Variants in SELENBP1 observed in about 807,000 individuals in gnomAD.
SELENBP1 encodes selenium binding protein 1, also known as methanethiol oxidase.
In SELENBP1, 71 loss-of-function variants were observed where a neutral mutation model predicts 61.0. The ratio of observed to expected loss-of-function variants is 1.16; its 90% CI spans 0.96 to 1.42. The LOEUF is 1.42. Ranked by LOEUF, SELENBP1 falls within the 40% of genes most tolerant of loss-of-function variation. SELENBP1 has a pLI of 0.00. For missense variants in SELENBP1, 561 were observed against 605.0 expected (o/e 0.93, Z 0.76); for synonymous variants, 270 against 238.9 (o/e 1.13, Z -1.20).
At chr1:151,367,885 T>C (rs1270016655) in intron 5 of SELENBP1, among the ~76,000 whole-genome samples, 1 of 152,178 alleles carries the variant, frequency 6.6e-6, no homozygotes, top group East Asian at 1.9e-4. Flanking sequence ...CAGGCTGGTT[T>C]GGAACTCCTG....
rs145919866 is a variant in SELENBP1 at position 151,369,107 on chromosome 1, T to C, written c.257A>G (p.Asp86Gly). 5.0e-6 allele frequency: 8 copies of C among 1,613,928 alleles called. No homozygotes were observed. The African/African-American group carries it at 5.3e-5, about 11-fold the overall frequency. ...GWNTCSSCFG[D>G]STKSRTKLVL... is the part of the protein sequence containing the mutation. ...CAGCTTGGTGCGCGACTTGGTGCTATCACCGAAGCAGCTGCTGCAGGTGTT... is the reference window on the plus strand; with the variant it reads ...CAGCTTGGTGCGCGACTTGGTGCTACCACCGAAGCAGCTGCTGCAGGTGTT... The change falls in exon 4 of 12, where the codon GAT becomes GGT. Residue 86 changes from aspartate (D) to glycine (G), a missense_variant. Asp to Gly is a moderately conservative substitution (Grantham distance 94). Coordinates refer to ENST00000368868, the MANE Select transcript of SELENBP1 (RefSeq NM_003944.4).
Position 151,365,246 on chromosome 1 carries a change from A to G in SELENBP1, c.1080T>C (p.Pro360=), listed in dbSNP as rs1204243180. The G allele has an allele frequency of 6.2e-7, 1 of 1,613,320 alleles. No individual in the cohort carries two copies. The highest frequency in any genetic ancestry group is 1.3e-5 in the African/African-American group (1 of 74,876). The stretch of plus-strand genomic sequence containing the variant: ...GTTCCTCGTCCTCCAGCACTTGCAC[A>G]GGGCCTCCCTTAACAATGCTGCCTC... ...FLGGSIVKGG[P]VQVLEDEELK... Residue 360 remains proline, a synonymous_variant, in exon 10 of 12, where the codon CCT becomes CCC. Transcript: ENST00000368868.
At chr1:151,367,087 A>G in intron 5 of SELENBP1, 183 bp from the exon 6 acceptor site, 2 of 1,403,852 alleles carry the variant, frequency 1.4e-6, no homozygotes, top group Non-Finnish European at 1.9e-6. Flanking sequence ...TCATGCCAGT[A>G]ATCCCAGCCC....
chr1:151,366,601 C>T (rs1651834228), intron 6 of SELENBP1, 121 bp downstream of exon 6: 1 of 1,407,068 alleles, frequency 7.1e-7, no homozygotes, highest in South Asian at 1.3e-5. Flanking sequence ...TGCGGTACAT[C>T]CTATGCCATC....
Position 151,369,522 on chromosome 1 carries a change from T to C in SELENBP1, c.94A>G (p.Ile32Val). The C allele has an allele frequency of 6.2e-7, 1 of 1,611,292 alleles. No individual in the cohort carries two copies. The highest frequency in any genetic ancestry group is 2.2e-5 in the East Asian group (1 of 44,804). Residue 32 changes from isoleucine (I) to valine (V), a missense_variant, in exon 3 of 12, where the codon ATT becomes GTT. Transcript: ENST00000368868. ...PREEIVYLPC[I>V]YRNTGTEAPD... ...GCCTCAGTGCCTGTGTTTCGGTAAA[T>C]GCAGGGCAGGTAGACGATCTCTTCC...
At chr1:151,370,036 A>G (rs552562551) in intron 1 of SELENBP1, 10 of 1,428,828 alleles carry the variant, frequency 7.0e-6, no homozygotes, top group South Asian at 4.6e-5. Context: ...GGGCTGATGC[A>G]GCCGGGGTCG....
At chr1:151,367,050 G>T in intron 5 of SELENBP1, 146 bp from the exon 6 acceptor site, 1 of 1,447,504 alleles carries the variant, frequency 6.9e-7, no homozygotes. Flanking sequence ...CTTAAATTCA[G>T]GCATCCAGGG....
intron 4 of SELENBP1, among the ~76,000 whole-genome samples, 191 bp downstream of exon 4, chr1:151,368,813 C>T (rs1487462440): frequency 1.3e-5 from 2 of 152,230 alleles, no homozygotes; most frequent in Non-Finnish European, 2.9e-5. Flanking sequence ...CCCTGGTCAC[C>T]GTGCTGGAGG....
chr1:151,367,500 C>G (rs1437041884), intron 5 of SELENBP1, among the ~76,000 whole-genome samples: 2 of 152,128 alleles, frequency 1.3e-5, no homozygotes, highest in African/African-American at 4.8e-5. Flanking sequence ...TACTTCATCT[C>G]TCTCTCAGAC....
chr1:151,366,200 A>G, intron 7 of SELENBP1, 75 bp downstream of exon 7: 1 of 1,526,920 alleles, frequency 6.5e-7, no homozygotes, highest in Non-Finnish European at 8.9e-7. Context: ...GCCTGGGAGC[A>G]CCGTTACAGA....
Position 151,364,625 on chromosome 1 carries a change from A to T in SELENBP1, c.1337T>A (p.Phe446Tyr), listed in dbSNP as rs1045088502. 3.1e-6 allele frequency: 5 copies of T among 1,613,606 alleles called. No homozygotes were observed. The African/African-American group carries it at 6.7e-5, about 22-fold the overall frequency. ...LKLNPNFLVD[F>Y]GKEPLGPALA... ...GGCTGGGCCAAGGGGCTCCTTCCCGAAGTCCACCAGGAAGTTGGGGTTCAA... is the reference window on the plus strand; with the variant it reads ...GGCTGGGCCAAGGGGCTCCTTCCCGTAGTCCACCAGGAAGTTGGGGTTCAA... The change falls in exon 12 of 12, where the codon TTC (phenylalanine) becomes TAC (tyrosine). Residue 446 changes from phenylalanine (F) to tyrosine (Y), a missense_variant. Phe to Tyr is a conservative substitution (Grantham distance 22, BLOSUM62 3). Coordinates refer to ENST00000368868, the MANE Select transcript of SELENBP1 (RefSeq NM_003944.4).
Position 151,372,504 on chromosome 1 carries a change from G to T in SELENBP1, c.4+134C>A. 1.2e-5 allele frequency: 13 copies of T among 1,124,044 alleles called. No individual in the cohort carries two copies. The South Asian group carries it at 1.3e-4, about 11-fold the overall frequency. 69.6% of individuals were successfully genotyped at this position (1,124,044 alleles called of 1,614,324 possible). On this transcript the variant is annotated intron_variant, in intron 1 of 11. Transcript: ENST00000368868. ...TGGTGGGGGAGGGGGTGTGCAGACT[G>T]GGGACAATGAAGCAGAGTCCACTAC...
chr1:151,368,547 C>T (rs1019932528), intron 4 of SELENBP1, among the ~76,000 whole-genome samples: 1 of 152,216 alleles, frequency 6.6e-6, no homozygotes, highest in Admixed American at 6.5e-5. Context: ...AAAGCGCTGA[C>T]CTTTCCCCAT....
At chr1:151,364,736 G>A in intron 11 of SELENBP1, 31 bp from the exon 12 acceptor site, 1 of 1,545,572 alleles carries the variant, frequency 6.5e-7, no homozygotes, top group Non-Finnish European at 8.7e-7. Context: ...GTAAGGGAGA[G>A]GTCAGAGGTG....
At chr1:151,365,708 C>G in intron 8 of SELENBP1, 24 bp from the exon 9 acceptor site, 1 of 1,614,110 alleles carries the variant, frequency 6.2e-7, no homozygotes, top group Non-Finnish European at 8.5e-7. Context: ...GCGAGTAGAG[C>G]CTTTAAGGAC....
In SELENBP1 at chr1:151,369,498, C is replaced by T. The variant is rs903734899; in HGVS notation, c.118G>A (p.Ala40Thr). 1 of 1,612,644 alleles carries T rather than the reference C, an allele frequency of 6.2e-7. No individual in the cohort carries two copies. Among genetic ancestry groups the T allele is most frequent in the Non-Finnish European group, 8.5e-7 (1 of 1,179,568 alleles). The part of the protein sequence containing the change: ...PCIYRNTGTE[A>T]PDYLATVDVD... ...TCCACAGTGGCCAGATAATCTGGGG[C>T]CTCAGTGCCTGTGTTTCGGTAAATG... The change falls in exon 3 of 12, where the codon GCC becomes ACC. Residue 40 changes from alanine (A) to threonine (T), a missense_variant. Physicochemically the swap from Ala to Thr is moderately conservative, Grantham distance 58. Coordinates refer to ENST00000368868, the MANE Select transcript of SELENBP1 (RefSeq NM_003944.4).
chr1:151,370,015 G>A (rs1571286753), intron 1 of SELENBP1: 3 of 1,440,604 alleles, frequency 2.1e-6, no homozygotes, highest in Middle Eastern at 2.5e-4. Context: ...GGCCCCGGGA[G>A]GGTGGGAGGA....
At chr1:151,370,854 G>GTGGGGCCTCCAC (rs912294903) in intron 1 of SELENBP1, among the ~76,000 whole-genome samples, 5 of 152,224 alleles carry the variant, frequency 3.3e-5, no homozygotes, top group African/African-American at 9.6e-5. Flanking sequence ...AGTAGGCAGA[G>GTGGGGCCTCCAC]TGGGGCCTCC....
chr1:151,370,155 T>A (rs532663593), intron 1 of SELENBP1: 1 of 524,608 alleles, frequency 1.9e-6, no homozygotes, highest in Non-Finnish European at 3.3e-6. Flanking sequence ...AATTTCTGCA[T>A]CCTCTGTAAA....
Sources: gnomAD v4.1 joint callset for allele counts (sites outside exome capture counted in the v4.1 genomes callset) on GRCh38, gnomAD v4.1.1 for gene constraint, MANE v1.5 for transcripts, NCBI Gene and HGNC (gene_info 2026-07-23, HGNC 2026-07-21) for gene names.